The following CHRM3 variants were observed in gnomAD, a reference collection of about 807,000 sequenced individuals.
CHRM3 encodes the protein cholinergic receptor muscarinic 3.
CHRM3 carries 11 observed loss-of-function variants against 41.8 expected under a neutral mutation model. The observed-to-expected ratio is 0.26, with a 90% CI of 0.17 to 0.44. The LOEUF (loss-of-function observed/expected upper bound fraction) is 0.44, where lower values mean the gene tolerates loss of function less well. Ranked by LOEUF, CHRM3 falls within the 20% of genes least tolerant of loss-of-function variation. The pLI, the probability that CHRM3 is intolerant of heterozygous loss-of-function variation, is 1.00. For synonymous variants in CHRM3, 297 were observed against 301.4 expected (o/e 0.99, Z 0.15); for missense variants, 571 against 745.4 (o/e 0.77, Z 2.72).
At chr1:239,393,213 A>C (rs2102927428) in intron 1 of CHRM3, among the ~76,000 whole-genome samples, 1 of 152,314 alleles carries the variant, frequency 6.6e-6, no homozygotes, top group Non-Finnish European at 1.5e-5. Context: ...TATAAATATT[A>C]AATATTGTTG....
chr1:239,668,949 T>C (rs1253969550), intron 4 of CHRM3, among the ~76,000 whole-genome samples: 5 of 152,218 alleles, frequency 3.3e-5, no homozygotes, highest in African/African-American at 1.2e-4. Flanking sequence ...CATTAATTTC[T>C]TTAAAGGGCA....
intron 6 of CHRM3, among the ~76,000 whole-genome samples, chr1:239,878,745 C>T (rs1337967110): frequency 6.6e-6 from 1 of 152,038 alleles, no homozygotes; most frequent in East Asian, 1.9e-4. Flanking sequence ...GGCTTCTGCC[C>T]TCAGATGATT....
At chr1:239,456,110 T>A (rs760379224) in intron 1 of CHRM3, among the ~76,000 whole-genome samples, 4 of 152,138 alleles carry the variant, frequency 2.6e-5, no homozygotes, top group Non-Finnish European at 4.4e-5. Context: ...CCTGGTGAGT[T>A]TCAGTTCTTT....
intron 5 of CHRM3, among the ~76,000 whole-genome samples, chr1:239,811,325 T>C (rs1671099800): frequency 6.6e-6 from 1 of 152,196 alleles, no homozygotes; most frequent in African/African-American, 2.4e-5. Context: ...ACCCATTGTC[T>C]CCCATGCAGG....
At chr1:239,811,283 G>A (rs773490036) in intron 5 of CHRM3, among the ~76,000 whole-genome samples, 3 of 152,162 alleles carry the variant, frequency 2.0e-5, no homozygotes, top group East Asian at 1.9e-4. Context: ...CACAATTGGC[G>A]CCAGAAAGCG....
At chr1:239,521,598 T>C (rs1050835787) in intron 2 of CHRM3, among the ~76,000 whole-genome samples, 2 of 152,344 alleles carry the variant, frequency 1.3e-5, no homozygotes, top group South Asian at 2.1e-4. Flanking sequence ...ACGTGAATTA[T>C]GCTAAGTTGT....
In CHRM3 at chr1:239,584,582, TAAG is replaced by T. The variant is rs557228777; in HGVS notation, c.-313+38836_-313+38838del. Among the ~76,000 whole-genome samples the T allele has an allele frequency of 2.6e-5, 4 of 152,276 alleles. No individual in the cohort carries two copies. The South Asian group carries it at 6.2e-4, about 24-fold the overall frequency. On this transcript the variant is annotated intron_variant, in intron 3 of 6. Coordinates refer to ENST00000676153, the MANE Select transcript of CHRM3 (RefSeq NM_001375978.1). The stretch of plus-strand genomic sequence containing the variant: ...ATGTAAGAAAAGAAGAGAGGTAAGA[TAAG>T]AATAAACATTAAATAGACTGAAGAA...
chr1:239,818,821 T>A (rs1310647740), intron 5 of CHRM3, among the ~76,000 whole-genome samples: 2 of 152,304 alleles, frequency 1.3e-5, no homozygotes, highest in East Asian at 3.9e-4. Flanking sequence ...CAAAGCAGAT[T>A]GGACATTTCA....
intron 1 of CHRM3, among the ~76,000 whole-genome samples, chr1:239,417,821 G>A (rs563390175): frequency 6.6e-6 from 1 of 152,100 alleles, no homozygotes; most frequent in African/African-American, 2.4e-5. Context: ...AGCAACGAAA[G>A]AAAAAATAAT....
At chr1:239,532,105 C>T (rs1214396875) in intron 2 of CHRM3, among the ~76,000 whole-genome samples, 4 of 137,464 alleles carry the variant, frequency 2.9e-5, no homozygotes, top group East Asian at 4.6e-4. Flanking sequence ...CTCCGCCTCC[C>T]GGGTTCACAC....
At chr1:239,882,408 C>A (rs1045365782) in intron 6 of CHRM3, among the ~76,000 whole-genome samples, 12 of 152,110 alleles carry the variant, frequency 7.9e-5, no homozygotes, top group Middle Eastern at 3.2e-3. Flanking sequence ...ATATTGAGTC[C>A]TTCCCATGTA....
At chr1:239,523,931 G>C (rs1404009322) in intron 2 of CHRM3, among the ~76,000 whole-genome samples, 1 of 152,144 alleles carries the variant, frequency 6.6e-6, no homozygotes, top group Admixed American at 6.5e-5. Flanking sequence ...GAATATTTCT[G>C]TTGGGAAATC....
chr1:239,826,152 C>A (rs1046641397), intron 5 of CHRM3, among the ~76,000 whole-genome samples: 1 of 152,070 alleles, frequency 6.6e-6, no homozygotes, highest in African/African-American at 2.4e-5. Flanking sequence ...ATTCTTAATG[C>A]CACTGAATTT....
chr1:239,582,845 C>T (rs1202735994), intron 3 of CHRM3, among the ~76,000 whole-genome samples: 1 of 152,146 alleles, frequency 6.6e-6, no homozygotes, highest in African/African-American at 2.4e-5. Flanking sequence ...CAGAACTCTC[C>T]AGTGTCTTTC....
chr1:239,697,012 A>G (rs1490682929), intron 5 of CHRM3, among the ~76,000 whole-genome samples: 2 of 152,228 alleles, frequency 1.3e-5, no homozygotes, highest in Non-Finnish European at 2.9e-5. Context: ...GGGAATAACT[A>G]TAGTAAGCAC....
In CHRM3 at chr1:239,913,281, T is replaced by C. The variant is rs916556209; in HGVS notation, c.*4057T>C. 4.8e-5 allele frequency: 8 copies of C among 167,202 alleles called. 3 individuals are homozygous for C. In the Admixed American group the frequency reaches 5.2e-4, roughly 11 times the overall value. The allele number at this position is 167,202 out of a possible 1,614,324, so 10.4% of individuals were successfully genotyped here. A position where few individuals can be genotyped will look rare whatever the true frequency, so the allele number is the denominator to read the frequency against. On this transcript the variant is annotated 3_prime_UTR_variant, in exon 7 of 7. Transcript: ENST00000676153. Reference sequence around the variant, plus strand: ...ATAGAGTTTCTAGGTAGCAGGTGTTTGCTTTGGTTTTGCAATAGCATTTCT... The same window carrying C: ...ATAGAGTTTCTAGGTAGCAGGTGTTCGCTTTGGTTTTGCAATAGCATTTCT...
intron 2 of CHRM3, among the ~76,000 whole-genome samples, chr1:239,524,595 A>G (rs534357314): frequency 5.3e-5 from 8 of 152,308 alleles, no homozygotes; most frequent in Non-Finnish European, 1.0e-4. Context: ...TACCAACTGA[A>G]TTTATAACCT....
intron 1 of CHRM3, among the ~76,000 whole-genome samples, chr1:239,458,613 CT>C (rs1175861194): frequency 6.6e-6 from 1 of 152,012 alleles, no homozygotes; most frequent in Non-Finnish European, 1.5e-5. Context: ...CATATTATGC[CT>C]AAATTCCATA....
chr1:239,489,412 CA>C (rs150811450), intron 1 of CHRM3, among the ~76,000 whole-genome samples: 23,300 of 142,228 alleles, frequency 0.16, 2,290 homozygotes, highest in Non-Finnish European at 0.21. Flanking sequence ...GACTCTGTCT[CA>C]AAAAAAAAAA....
Sources: gnomAD v4.1 joint callset for allele counts (sites outside exome capture counted in the v4.1 genomes callset) on GRCh38, gnomAD v4.1.1 for gene constraint, MANE v1.5 for transcripts, NCBI Gene and HGNC (gene_info 2026-07-23, HGNC 2026-07-21) for gene names.